Variants in PCSK1 observed in about 807,000 individuals in gnomAD.
PCSK1 encodes neuroendocrine convertase 1.
A neutral mutation model predicts 90.6 loss-of-function variants in PCSK1; 56 were observed. The ratio of observed to expected loss-of-function variants is 0.62; its 90% confidence interval spans 0.50 to 0.77. The LOEUF (loss-of-function observed/expected upper bound fraction) is 0.77, where lower values mean the gene tolerates loss of function less well. PCSK1 is among the 30% of genes least tolerant of loss of function. The pLI, the probability that PCSK1 is intolerant of heterozygous loss-of-function variation, is 0.00. For synonymous variants in PCSK1, 348 were observed against 342.4 expected (o/e 1.02, Z -0.18); for missense variants, 801 against 932.6 (o/e 0.86, Z 1.84).
chr5:96,414,213 C>T (rs1760871597), intron 6 of PCSK1, among the ~76,000 whole-genome samples: 1 of 151,870 alleles, frequency 6.6e-6, no homozygotes, highest in Non-Finnish European at 1.5e-5. Flanking sequence ...ACCCTCTGTG[C>T]CTCAGTTTCT....
Position 96,425,893 on chromosome 5 carries a change from C to T in PCSK1, c.323G>A (p.Ser108Asn). The change falls in exon 3 of 14, where the codon AGT becomes AAT. Residue 108 changes from serine to asparagine, a missense_variant. Transcript: ENST00000311106. The stretch of plus-strand genomic sequence containing the variant: ...TGAGTCCCTTAGAGCTGAACGTTTA[C>T]TTCTTTCTTTTTCATACTGTTGTTC... The part of the protein sequence containing the change: ...WAEQQYEKER[S>N]KRSALRDSAL... 2 of 1,612,556 alleles carry T rather than the reference C, an allele frequency of 1.2e-6. No homozygotes were observed. The highest frequency in any genetic ancestry group is 2.2e-5 in the East Asian group (1 of 44,876).
chr5:96,419,002 A>C (rs1761025217), intron 5 of PCSK1, among the ~76,000 whole-genome samples: 1 of 152,094 alleles, frequency 6.6e-6, no homozygotes, highest in African/African-American at 2.4e-5. Context: ...GCAAACACTT[A>C]CTTAACTTTT....
In PCSK1 at chr5:96,423,470, A is replaced by G; in HGVS notation, c.397-11T>C. On this transcript the variant is annotated splice_polypyrimidine_tract_variant and intron_variant, in intron 3 of 13. Transcript: ENST00000311106. ...CATCCTGGTATCTTGCTGGTAAAGAAAAACAACGAAGCATTGATAAAATTA... is the reference window on the plus strand; with the variant it reads ...CATCCTGGTATCTTGCTGGTAAAGAGAAACAACGAAGCATTGATAAAATTA... 6.2e-7 allele frequency: 1 copy of G among 1,613,732 alleles called. No homozygotes were observed. The highest frequency in any genetic ancestry group is 8.5e-7 in the Non-Finnish European group (1 of 1,179,614).
At chr5:96,426,942 C>T (rs1377419944) in intron 2 of PCSK1, among the ~76,000 whole-genome samples, 2 of 152,162 alleles carry the variant, frequency 1.3e-5, no homozygotes, top group African/African-American at 2.4e-5. Flanking sequence ...AAATTAGTCA[C>T]TATGATTTAT....
chr5:96,397,221 A>G, intron 12 of PCSK1, 115 bp downstream of exon 12: 1 of 878,254 alleles, frequency 1.1e-6, no homozygotes, highest in Non-Finnish European at 1.9e-6. Context: ...CCTTACTTCT[A>G]CTAAGAAGGG....
chr5:96,390,379 C>T lies in PCSK1; in HGVS notation c.*2622G>A, dbSNP rs1420736487. The T allele has an allele frequency of 6.6e-6, 1 of 152,128 alleles. No individual in the cohort carries two copies. The allele number at this position is 152,128 out of a possible 1,614,324, so 9.4% of individuals were successfully genotyped here. On this transcript the variant is annotated 3_prime_UTR_variant, in exon 14 of 14. Transcript: ENST00000311106. ...TTTTTTCTTTTGACTTAGTGAGAAA[C>T]AATTTATTTTTCTGATTTATAAGCA...
At chr5:96,405,866 C>T (rs112728462) in intron 9 of PCSK1, among the ~76,000 whole-genome samples, 32 of 152,210 alleles carry the variant, frequency 2.1e-4, no homozygotes, top group South Asian at 4.2e-4. Flanking sequence ...GGGCTAGGCA[C>T]GGCTAGTTAT....
intron 4 of PCSK1, among the ~76,000 whole-genome samples, chr5:96,423,088 C>T (rs1761177467): frequency 6.6e-6 from 1 of 152,210 alleles, no homozygotes; most frequent in African/African-American, 2.4e-5. Flanking sequence ...TCTCCCAACA[C>T]ATATACTTTT....
In PCSK1 at chr5:96,423,316, G is replaced by T. The variant is rs1389330621; in HGVS notation, c.540C>A (p.Asn180Lys). The T allele has an allele frequency of 3.7e-6, 6 of 1,608,264 alleles. No homozygotes were observed. Among genetic ancestry groups the T allele is most frequent in the Non-Finnish European group, 3.4e-6 (4 of 1,176,846 alleles). Residue 180 changes from asparagine (N) to lysine (K), a missense_variant, in exon 4 of 14, where the codon AAC (asparagine) becomes AAA (lysine). By Grantham distance (94) the Asn-to-Lys change is moderately conservative. Transcript: ENST00000311106. ...LEWNHTDIYA[N>K]YDPEASYDFN... The stretch of plus-strand genomic sequence containing the variant: ...TCATGAGAAGGCACACACTTACATA[G>T]TTGGCATAAATGTCCGTGTGATTCC...
Position 96,392,793 on chromosome 5 carries a change from T to C in PCSK1, c.*208A>G, listed in dbSNP as rs769155211. ...CTTGTGCAGACAGGAAAGATGTGTT[T>C]TGAAATACCTATGATCAATTCTGGA... On this transcript the variant is annotated 3_prime_UTR_variant, in exon 14 of 14. Transcript: ENST00000311106. 1 of 618,420 alleles carries C rather than the reference T, an allele frequency of 1.6e-6. No individual in the cohort carries two copies. The highest frequency in any genetic ancestry group is 2.9e-6 in the Non-Finnish European group (1 of 349,292). The allele number at this position is 618,420 out of a possible 1,614,324, so 38.3% of individuals were successfully genotyped here. A position where few individuals can be genotyped will look rare whatever the true frequency, so the allele number is the denominator to read the frequency against.
intron 6 of PCSK1, among the ~76,000 whole-genome samples, chr5:96,413,249 A>T (rs895832762): frequency 6.6e-6 from 1 of 152,210 alleles, no homozygotes; most frequent in Non-Finnish European, 1.5e-5. Context: ...TCATCAGGAC[A>T]ATGTAGGTGC....
At chr5:96,428,974 A>G (rs1477895411) in intron 2 of PCSK1, among the ~76,000 whole-genome samples, 3 of 152,160 alleles carry the variant, frequency 2.0e-5, no homozygotes, top group African/African-American at 4.8e-5. Context: ...ATGTAATTAT[A>G]TAATTAAACT....
intron 9 of PCSK1, among the ~76,000 whole-genome samples, chr5:96,403,657 G>A (rs1475701407): frequency 6.6e-6 from 1 of 152,190 alleles, no homozygotes; most frequent in African/African-American, 2.4e-5. Flanking sequence ...ACCGAATTAA[G>A]CATTGCTTCT....
chr5:96,420,917 G>A (rs1369512899), intron 5 of PCSK1, among the ~76,000 whole-genome samples: 1 of 152,198 alleles, frequency 6.6e-6, no homozygotes, highest in African/African-American at 2.4e-5. Context: ...GCTGTTAGAT[G>A]CTTGGCTTTT....
rs567306705 is a variant in PCSK1, at chr5:96,394,870, T to A, written c.1878A>T (p.Pro626=). The A allele has an allele frequency of 6.2e-7, 1 of 1,614,086 alleles. No individual in the cohort carries two copies. The highest frequency in any genetic ancestry group is 8.5e-7 in the Non-Finnish European group (1 of 1,179,954). ...AGAACAGAGCCACACAGACCTCCCC[T>A]GGATCCACCATCTTCTCCACCCCTC... ...DRRGVEKMVD[P]GEEQPTQENP... Residue 626 remains proline (P), a synonymous_variant, in exon 13 of 14, where the codon CCA becomes CCT. Transcript: ENST00000311106.
intron 9 of PCSK1, among the ~76,000 whole-genome samples, chr5:96,406,752 C>A (rs1474590706): frequency 6.6e-6 from 1 of 152,216 alleles, no homozygotes; most frequent in Non-Finnish European, 1.5e-5. Context: ...TTTGTTCTCT[C>A]TCTAGAGAAT....
chr5:96,400,234 C>T (rs762796555), intron 9 of PCSK1, 48 bp from the exon 10 acceptor site: 2 of 1,375,974 alleles, frequency 1.5e-6, no homozygotes, highest in Admixed American at 1.7e-5. Flanking sequence ...AATGAAGTTT[C>T]CTTGCAAAAG....
At position 96,416,101 on chromosome 5, in the gene PCSK1, C is replaced by T; in HGVS notation, c.641G>A (p.Gly214Glu). Residue 214 changes from glycine to glutamate, a missense_variant, in exon 6 of 14, where the codon GGA becomes GAA. Gly to Glu is a moderately conservative substitution (Grantham distance 98). Coordinates refer to ENST00000311106, the MANE Select transcript of PCSK1 (RefSeq NM_000439.5). The stretch of plus-strand genomic sequence containing the variant: ...ATTATTTGCTTGCATGGCAATTTCT[C>T]CTGCACATCTGGTCCCGTGTCTGAG... ...NENKHGTRCA[G>E]EIAMQANNHK... 6.2e-7 allele frequency: 1 copy of T among 1,611,520 alleles called. No individual in the cohort carries two copies. Among genetic ancestry groups the T allele is most frequent in the Non-Finnish European group, 8.5e-7 (1 of 1,177,624 alleles).
At chr5:96,407,508 G>A (rs1320456466) in intron 9 of PCSK1, among the ~76,000 whole-genome samples, 1 of 152,016 alleles carries the variant, frequency 6.6e-6, no homozygotes, top group Non-Finnish European at 1.5e-5. Context: ...ATATAAAATG[G>A]TATAGTCATT....
Sources: allele counts gnomAD v4.1 joint callset (sites outside exome capture counted in the v4.1 genomes callset), GRCh38; gene constraint gnomAD v4.1.1; transcripts MANE v1.5; gene names NCBI Gene and HGNC (gene_info 2026-07-23, HGNC 2026-07-21).